PLCB1: variants seen among roughly 807,000 people sequenced by gnomAD.
PLCB1 encodes phospholipase C beta 1.
Under a neutral mutation model 161.8 loss-of-function variants are expected in PLCB1, and 46 were observed. The observed-to-expected ratio is 0.28, with a 90% CI of 0.22 to 0.36. The LOEUF is 0.36. Among genes scored for constraint, PLCB1 ranks in the 10% least tolerant of loss-of-function variants. The pLI, the probability that PLCB1 is intolerant of heterozygous loss-of-function variation, is 1.00. For missense variants in PLCB1, 1,016 were observed against 1,472.5 expected (o/e 0.69, Z 5.07); for synonymous variants, 517 against 503.7 (o/e 1.03, Z -0.35).
At chr20:8,667,844 G>A (rs1007013974) in intron 9 of PLCB1, among the ~76,000 whole-genome samples, 1 of 152,084 alleles carries the variant, frequency 6.6e-6, no homozygotes, top group Non-Finnish European at 1.5e-5. Flanking sequence ...GAGAGCTATT[G>A]GGACAGAGCA....
In PLCB1 at chr20:8,883,930, A is replaced by C. The variant is rs967214294; in HGVS notation, c.*2081A>C. On this transcript the variant is annotated 3_prime_UTR_variant, in exon 32 of 32. Coordinates refer to ENST00000338037, the MANE Select transcript of PLCB1 (RefSeq NM_015192.4). ...GCTGCATTTTTATAAACAAAATTAC[A>C]GACTGTCTGAAATTGAAGAAGAATG... 7 of 152,554 alleles carry C rather than the reference A, an allele frequency of 4.6e-5. No homozygotes were observed. The highest frequency in any genetic ancestry group is 1.4e-4 in the African/African-American group (6 of 41,428). The allele number at this position is 152,554 out of a possible 1,614,324, so 9.5% of individuals were successfully genotyped here. A position where few individuals can be genotyped will look rare whatever the true frequency, so the allele number is the denominator to read the frequency against.
intron 3 of PLCB1, among the ~76,000 whole-genome samples, chr20:8,474,946 A>C (rs993020748): frequency 4.6e-5 from 7 of 152,092 alleles, no homozygotes; most frequent in African/African-American, 1.7e-4. Context: ...TGAGTAATTC[A>C]GACCAAAGCT....
chr20:8,517,608 A>G (rs909056399), intron 3 of PLCB1, among the ~76,000 whole-genome samples: 3 of 152,144 alleles, frequency 2.0e-5, no homozygotes, highest in Admixed American at 6.5e-5. Context: ...GGCAACCTTC[A>G]TATTGTAACC....
intron 31 of PLCB1, among the ~76,000 whole-genome samples, chr20:8,879,305 AAAAAAAC>A (rs1306749463): frequency 6.6e-6 from 1 of 152,104 alleles, no homozygotes; most frequent in Non-Finnish European, 1.5e-5. Context: ...TGAAAAAAAA[AAAAAAAC>A]AAGTCATTTA....
intron 2 of PLCB1, among the ~76,000 whole-genome samples, chr20:8,286,136 C>G (rs1983110378): frequency 6.6e-6 from 1 of 152,186 alleles, no homozygotes; most frequent in South Asian, 2.1e-4. Flanking sequence ...ACCAGCCTGG[C>G]CAGCATGGCT....
intron 3 of PLCB1, among the ~76,000 whole-genome samples, chr20:8,482,092 ATTTTTTTTTTTTTT>A (rs199634903): frequency 4.9e-4 from 51 of 104,874 alleles, no homozygotes; most frequent in Admixed American, 6.0e-4. Flanking sequence ...GCTTGAAGGA[ATTTTTTTTTTTTTT>A]TTTTTTTTTT....
At chr20:8,718,264 T>C (rs936900474) in intron 14 of PLCB1, among the ~76,000 whole-genome samples, 10 of 152,198 alleles carry the variant, frequency 6.6e-5, no homozygotes, top group African/African-American at 2.2e-4. Flanking sequence ...AGAAGGACTT[T>C]GAACATTCCT....
intron 3 of PLCB1, among the ~76,000 whole-genome samples, chr20:8,456,589 G>A (rs1981327821): frequency 6.6e-6 from 1 of 152,086 alleles, no homozygotes; most frequent in African/African-American, 2.4e-5. Flanking sequence ...AAATTAAGAT[G>A]TACAGAATAT....
intron 11 of PLCB1, among the ~76,000 whole-genome samples, chr20:8,707,582 T>C (rs1978757181): frequency 6.6e-6 from 1 of 152,200 alleles, no homozygotes; most frequent in African/African-American, 2.4e-5. Context: ...AAGTGAAAAG[T>C]AATTTGAAAT....
intron 3 of PLCB1, among the ~76,000 whole-genome samples, chr20:8,601,395 C>T (rs1410245788): frequency 6.6e-6 from 1 of 152,084 alleles, no homozygotes; most frequent in Non-Finnish European, 1.5e-5. Flanking sequence ...TCTGATAGGT[C>T]CCAGTGTGTG....
At chr20:8,136,604 C>T (rs190346552) in intron 1 of PLCB1, among the ~76,000 whole-genome samples, 15 of 145,866 alleles carry the variant, frequency 1.0e-4, no homozygotes, top group South Asian at 2.2e-4. Flanking sequence ...CCAGCCTGGG[C>T]GACAGAGCAA....
chr20:8,607,956 AC>A (rs1337359597), intron 3 of PLCB1, among the ~76,000 whole-genome samples: 2 of 152,240 alleles, frequency 1.3e-5, no homozygotes, highest in Non-Finnish European at 2.9e-5. Flanking sequence ...TAGCCATTCC[AC>A]AGTGAATACA....
At chr20:8,696,091 A>G (rs538779085) in intron 10 of PLCB1, among the ~76,000 whole-genome samples, 22 of 152,202 alleles carry the variant, frequency 1.4e-4, no homozygotes, top group Non-Finnish European at 2.4e-4. Context: ...TCAAGGTCAC[A>G]AAAATTTACT....
chr20:8,310,546 G>A (rs1984349476), intron 2 of PLCB1, among the ~76,000 whole-genome samples: 1 of 152,122 alleles, frequency 6.6e-6, no homozygotes, highest in African/African-American at 2.4e-5. Flanking sequence ...GGGGTATTTG[G>A]GGGCTGTCTA....
chr20:8,315,523 TG>T (rs778771427), intron 2 of PLCB1, among the ~76,000 whole-genome samples: 24 of 152,180 alleles, frequency 1.6e-4, no homozygotes, highest in Non-Finnish European at 2.9e-4. Context: ...TCAAAAGATC[TG>T]GAAGTGTAAC....
At chr20:8,228,603 G>A (rs1242390353) in intron 2 of PLCB1, among the ~76,000 whole-genome samples, 1 of 151,956 alleles carries the variant, frequency 6.6e-6, no homozygotes, top group Admixed American at 6.6e-5. Context: ...GACCTCCCTG[G>A]CTTAAGTGAT....
intron 23 of PLCB1, among the ~76,000 whole-genome samples, chr20:8,754,206 A>G (rs1981623232): frequency 1.3e-5 from 2 of 152,220 alleles, no homozygotes; most frequent in African/African-American, 2.4e-5. Context: ...TTTGTCTCAC[A>G]TGCCCTTGAT....
chr20:8,473,681 A>C (rs1455207148), intron 3 of PLCB1, among the ~76,000 whole-genome samples: 1 of 152,188 alleles, frequency 6.6e-6, no homozygotes, highest in Non-Finnish European at 1.5e-5. Flanking sequence ...CTCTTCTCCA[A>C]AATAGAAAAT....
At chr20:8,659,558 C>T (rs1022462046) in intron 9 of PLCB1, among the ~76,000 whole-genome samples, 1 of 152,106 alleles carries the variant, frequency 6.6e-6, no homozygotes, top group Non-Finnish European at 1.5e-5. Flanking sequence ...AATATGCAGG[C>T]ATTTTCTAAA....
Sources: gnomAD v4.1 joint callset for allele counts (sites outside exome capture counted in the v4.1 genomes callset) on GRCh38, gnomAD v4.1.1 for gene constraint, MANE v1.5 for transcripts, NCBI Gene and HGNC (gene_info 2026-07-23, HGNC 2026-07-21) for gene names.